Variants in KIF26B observed in about 807,000 individuals in gnomAD.
KIF26B encodes kinesin family member 26B.
In KIF26B, 63 loss-of-function variants were observed where a neutral mutation model predicts 151.2. That is an observed-to-expected ratio of 0.42 (90% CI 0.34 to 0.51). The LOEUF (loss-of-function observed/expected upper bound fraction) is 0.51, where lower values mean the gene tolerates loss of function less well. Among genes scored for constraint, KIF26B ranks in the 20% least tolerant of loss-of-function variants. The probability of loss-of-function intolerance (pLI) is 0.07; values close to 1 mark genes in which losing one functional copy is unlikely to be tolerated. For missense variants in KIF26B, 2,813 were observed against 2,913.6 expected (o/e 0.97, Z 0.79); for synonymous variants, 1,357 against 1,262.1 (o/e 1.08, Z -1.59).
At chr1:245,312,884 G>A (rs947208240) in intron 2 of KIF26B, among the ~76,000 whole-genome samples, 6 of 152,144 alleles carry the variant, frequency 3.9e-5, no homozygotes, top group African/African-American at 7.2e-5. Context: ...GATACTGGCC[G>A]GGCGCCGTGG....
chr1:245,517,362 A>C (rs980972382), intron 4 of KIF26B, among the ~76,000 whole-genome samples: 5 of 152,286 alleles, frequency 3.3e-5, no homozygotes, highest in East Asian at 3.9e-4. Flanking sequence ...CTCAAAAAAA[A>C]AAAAAAGGAA....
At chr1:245,592,975 G>C (rs1297263971) in intron 5 of KIF26B, among the ~76,000 whole-genome samples, 1 of 152,022 alleles carries the variant, frequency 6.6e-6, no homozygotes, top group South Asian at 2.1e-4. Context: ...TGGATTTCCT[G>C]GCATTGGAGT....
intron 2 of KIF26B, among the ~76,000 whole-genome samples, chr1:245,307,251 C>T (rs1273328353): frequency 6.6e-6 from 1 of 152,140 alleles, no homozygotes; most frequent in Non-Finnish European, 1.5e-5. Flanking sequence ...TAAACAAAAC[C>T]GTCTCATATG....
At chr1:245,407,787 G>A (rs534035104) in intron 3 of KIF26B, among the ~76,000 whole-genome samples, 1 of 152,206 alleles carries the variant, frequency 6.6e-6, no homozygotes, top group South Asian at 2.1e-4. Flanking sequence ...TCCTATACTG[G>A]TAATACTAAG....
At chr1:245,493,767 G>A (rs1450308667) in intron 4 of KIF26B, among the ~76,000 whole-genome samples, 2 of 152,178 alleles carry the variant, frequency 1.3e-5, no homozygotes, top group Non-Finnish European at 2.9e-5. Flanking sequence ...CTGCTGAGAA[G>A]GCAGCAGAAC....
At chr1:245,169,504 C>T (rs1464875350) in intron 2 of KIF26B, among the ~76,000 whole-genome samples, 2 of 152,088 alleles carry the variant, frequency 1.3e-5, no homozygotes, top group Admixed American at 6.5e-5. Context: ...CGTGCAATTA[C>T]AAGAGCATTC....
chr1:245,581,964 A>AAG (rs61645005), intron 5 of KIF26B, among the ~76,000 whole-genome samples: 17 of 60,846 alleles, frequency 2.8e-4, no homozygotes, highest in African/African-American at 9.2e-4. Context: ...AAGGAAGGAA[A>AAG]TAAATAAGCA....
At chr1:245,542,864 C>A (rs1178771318) in intron 5 of KIF26B, among the ~76,000 whole-genome samples, 1 of 152,212 alleles carries the variant, frequency 6.6e-6, no homozygotes, top group East Asian at 1.9e-4. Context: ...CTGCTCTGGA[C>A]ACAGTGAAAT....
At position 245,652,145 on chromosome 1, in the gene KIF26B, T is replaced by TGTGTGTGTGGGA. The variant is rs368258830; in HGVS notation, c.2258+5866_2258+5867insTGTGTGTGGGAG. ...GTGTGTGTGTGTGTGTGTGTGTGTG[T>TGTGTGTGTGGGA]GAGAGAGACATATGCATATTTAACC... On this transcript the variant is annotated intron_variant, in intron 10 of 14. Coordinates refer to ENST00000407071, the MANE Select transcript of KIF26B (RefSeq NM_018012.4). Among the ~76,000 whole-genome samples, 941 of 142,752 alleles carry TGTGTGTGTGGGA rather than the reference T, an allele frequency of 6.6e-3. 10 individuals are homozygous for TGTGTGTGTGGGA. Among genetic ancestry groups the TGTGTGTGTGGGA allele is most frequent in the African/African-American group, 0.012 (440 of 36,462 alleles). 93.7% of individuals were successfully genotyped at this position (142,752 alleles called of 152,430 possible).
chr1:245,553,917 T>C (rs1332246245), intron 5 of KIF26B, among the ~76,000 whole-genome samples: 1 of 152,230 alleles, frequency 6.6e-6, no homozygotes, highest in African/African-American at 2.4e-5. Context: ...TATCGAGCCA[T>C]GGTCTGTGGG....
At chr1:245,202,743 G>C (rs1669323352) in intron 2 of KIF26B, among the ~76,000 whole-genome samples, 1 of 118,830 alleles carries the variant, frequency 8.4e-6, no homozygotes, top group Admixed American at 1.1e-4. Context: ...CTGGGTGACA[G>C]AGCGAGACTC....
At chr1:245,671,381 A>T (rs2044283433) in intron 10 of KIF26B, among the ~76,000 whole-genome samples, 1 of 152,198 alleles carries the variant, frequency 6.6e-6, no homozygotes, top group African/African-American at 2.4e-5. Context: ...GCCACACCCC[A>T]AAGGACAAAT....
At chr1:245,489,905 G>A (rs1660365656) in intron 4 of KIF26B, among the ~76,000 whole-genome samples, 2 of 152,310 alleles carry the variant, frequency 1.3e-5, no homozygotes, top group South Asian at 4.1e-4. Flanking sequence ...ACATTTTAAG[G>A]TAGATATTGT....
intron 2 of KIF26B, among the ~76,000 whole-genome samples, chr1:245,165,710 CAGG>C (rs1668604713): frequency 6.6e-6 from 1 of 152,068 alleles, no homozygotes; most frequent in Admixed American, 6.6e-5. Flanking sequence ...GATGAAAAAC[CAGG>C]AGAAGACAGT....
chr1:245,609,488 C>G lies in KIF26B; in HGVS notation c.1874C>G (p.Pro625Arg). The G allele has an allele frequency of 1.3e-6, 2 of 1,594,232 alleles. No homozygotes were observed. Among genetic ancestry groups the G allele is most frequent in the Non-Finnish European group, 1.7e-6 (2 of 1,169,742 alleles). The change falls in exon 8 of 15, where the codon CCG (proline) becomes CGG (arginine). Residue 625 changes from proline (P) to arginine (R), a missense_variant. Physicochemically the swap from Pro to Arg is moderately radical, Grantham distance 103. This residue lies in a region of KIF26B where 2,060 missense variants were observed against 2,088.6 expected (regional missense o/e 0.99). Transcript: ENST00000407071. ...ATGSLQDGQS[P>R]GVYLCEDPIC... ...GGCAGCCTGCAGGACGGCCAGTCCC[C>G]GGGCGTGTACCTCTGTGAGGACCCC... is the stretch of plus-strand genomic sequence containing the variant.
At chr1:245,586,894 A>C (rs1273500667) in intron 5 of KIF26B, among the ~76,000 whole-genome samples, 1 of 83,326 alleles carries the variant, frequency 1.2e-5, no homozygotes, top group South Asian at 3.7e-4. Context: ...CTCCGTCTCA[A>C]AAAAAAAAAA....
At position 245,704,195 on chromosome 1, in the gene KIF26B, C is replaced by G. The variant is rs539640515; in HGVS notation, c.*1589C>G. On this transcript the variant is annotated 3_prime_UTR_variant, in exon 15 of 15. Transcript: ENST00000407071. ...ATGGTACTTAGGCGTGTGCAGAGCACGCTTCCCTTTTGCCCTCAAATGCAG... is the reference window on the plus strand; with the variant it reads ...ATGGTACTTAGGCGTGTGCAGAGCAGGCTTCCCTTTTGCCCTCAAATGCAG... 1 of 152,252 alleles carries G rather than the reference C, an allele frequency of 6.6e-6. No individual in the cohort carries two copies. The highest frequency in any genetic ancestry group is 2.4e-5 in the African/African-American group (1 of 41,450). 9.4% of individuals were successfully genotyped at this position (152,252 alleles called of 1,614,324 possible).
chr1:245,627,759 G>A (rs946961489), intron 9 of KIF26B, among the ~76,000 whole-genome samples: 29 of 151,822 alleles, frequency 1.9e-4, no homozygotes, highest in Admixed American at 3.3e-4. Flanking sequence ...AAGAAAAGGA[G>A]AAGAATCAAA....
chr1:245,621,259 G>C (rs568550386), intron 9 of KIF26B, among the ~76,000 whole-genome samples: 1 of 152,096 alleles, frequency 6.6e-6, no homozygotes, highest in African/African-American at 2.4e-5. Flanking sequence ...GGTTAGCTTC[G>C]GATTTTCATC....
Sources: gnomAD v4.1 joint callset for allele counts (sites outside exome capture counted in the v4.1 genomes callset) on GRCh38, gnomAD v4.1.1 for gene constraint, gnomAD v4.1.1 regional missense constraint, MANE v1.5 for transcripts, NCBI Gene and HGNC (gene_info 2026-07-23, HGNC 2026-07-21) for gene names.